Variants in EXOC4 observed in about 807,000 individuals in gnomAD.
EXOC4 encodes exocyst complex component 4.
In EXOC4, 71 loss-of-function variants were observed where a neutral mutation model predicts 107.2. The ratio of observed to expected loss-of-function variants is 0.66; its 90% confidence interval spans 0.55 to 0.81. The LOEUF (loss-of-function observed/expected upper bound fraction) is 0.81, where lower values mean the gene tolerates loss of function less well. Ranked by LOEUF, EXOC4 falls within the 30% of genes least tolerant of loss-of-function variation. The pLI, the probability that EXOC4 is intolerant of heterozygous loss-of-function variation, is 0.00. For missense variants in EXOC4, 1,108 were observed against 1,189.6 expected, an observed-to-expected ratio of 0.93 and a Z score of 1.01; for synonymous variants, 456 against 441.2, an observed-to-expected ratio of 1.03 and a Z score of -0.42.
At chr7:134,025,465 A>T (rs1795119481) in intron 17 of EXOC4, among the ~76,000 whole-genome samples, 2 of 152,216 alleles carry the variant, frequency 1.3e-5, no homozygotes, top group African/African-American at 2.4e-5. Flanking sequence ...CCATTATATG[A>T]GTTCTCTTAG....
chr7:133,256,104 CCCGAGTAG>C (rs991709775), intron 1 of EXOC4, among the ~76,000 whole-genome samples: 5 of 151,976 alleles, frequency 3.3e-5, no homozygotes, highest in Non-Finnish European at 7.4e-5. Flanking sequence ...GCCTCAACCT[CCCGAGTAG>C]CTGGGACTAC....
intron 17 of EXOC4, among the ~76,000 whole-genome samples, chr7:134,035,882 C>T (rs762118941): frequency 6.6e-6 from 1 of 152,174 alleles, no homozygotes; most frequent in South Asian, 2.1e-4. Context: ...AGCAGGGAAA[C>T]ATTTCCTAGC....
intron 9 of EXOC4, among the ~76,000 whole-genome samples, chr7:133,505,318 A>G (rs574528270): frequency 6.6e-6 from 1 of 152,196 alleles, no homozygotes; most frequent in South Asian, 2.1e-4. Context: ...CCCTCCTGTC[A>G]GTTTTGATAA....
chr7:134,097,264 A>C, the EXOC4 span, among the ~76,000 whole-genome samples: 1 of 152,056 alleles, frequency 6.6e-6, no homozygotes, highest in Non-Finnish European at 1.5e-5. Context: ...GTTAGAGATC[A>C]ACTGTCTCAG....
intron 9 of EXOC4, among the ~76,000 whole-genome samples, chr7:133,597,508 C>T (rs899235871): frequency 1.4e-5 from 2 of 139,944 alleles, no homozygotes; most frequent in Non-Finnish European, 3.0e-5. Context: ...GAGCTGAGAT[C>T]GCACCATTGC....
chr7:133,839,689 C>T (rs1055876425), intron 11 of EXOC4, among the ~76,000 whole-genome samples: 1 of 152,170 alleles, frequency 6.6e-6, no homozygotes, highest in East Asian at 1.9e-4. Flanking sequence ...GTGACAGGTG[C>T]TTTATAGGAA....
intron 9 of EXOC4, among the ~76,000 whole-genome samples, chr7:133,561,405 C>T (rs1800801510): frequency 6.6e-6 from 1 of 152,196 alleles, no homozygotes; most frequent in Admixed American, 6.5e-5. Flanking sequence ...TTATTCATTT[C>T]TTTCCCTCAG....
intron 10 of EXOC4, among the ~76,000 whole-genome samples, chr7:133,644,531 A>G (rs1314729836): frequency 6.6e-6 from 1 of 152,210 alleles, no homozygotes; most frequent in African/African-American, 2.4e-5. Flanking sequence ...GTGAAAATAC[A>G]TTGTCTTTTT....
chr7:133,470,778 A>G (rs1166553170), intron 7 of EXOC4, among the ~76,000 whole-genome samples: 4 of 152,230 alleles, frequency 2.6e-5, no homozygotes, highest in African/African-American at 9.6e-5. Context: ...GGGATCCTGC[A>G]CATTTTCTGT....
At chr7:133,922,837 A>G (rs1178234187) in intron 13 of EXOC4, among the ~76,000 whole-genome samples, 1 of 151,358 alleles carries the variant, frequency 6.6e-6, no homozygotes, top group Non-Finnish European at 1.5e-5. Context: ...CGACAGAGCG[A>G]GACTCCGTCT....
At chr7:133,377,691 A>G (rs1424771860) in intron 7 of EXOC4, among the ~76,000 whole-genome samples, 20 of 152,182 alleles carry the variant, frequency 1.3e-4, no homozygotes, top group Admixed American at 1.2e-3. Flanking sequence ...AACAAATCCC[A>G]AGCAAGATAA....
At chr7:133,415,388 A>T (rs1462268893) in intron 7 of EXOC4, among the ~76,000 whole-genome samples, 1 of 150,764 alleles carries the variant, frequency 6.6e-6, no homozygotes, top group Non-Finnish European at 1.5e-5. Flanking sequence ...CACCAGCAGC[A>T]TCAGAGGGCT....
chr7:133,440,616 A>T (rs1410412478), intron 7 of EXOC4, among the ~76,000 whole-genome samples: 2 of 152,320 alleles, frequency 1.3e-5, no homozygotes, highest in South Asian at 4.1e-4. Flanking sequence ...GACCTTGTTG[A>T]TAAAATAGGT....
At chr7:133,940,187 A>C (rs934379184) in intron 14 of EXOC4, among the ~76,000 whole-genome samples, 4 of 152,240 alleles carry the variant, frequency 2.6e-5, no homozygotes, top group African/African-American at 4.8e-5. Context: ...AAGATAGTAC[A>C]TAACCTGTGT....
At chr7:133,964,193 C>G (rs1801010166) in intron 14 of EXOC4, among the ~76,000 whole-genome samples, 1 of 152,068 alleles carries the variant, frequency 6.6e-6, no homozygotes, top group African/African-American at 2.4e-5. Context: ...GAAAAATCAG[C>G]AAAAGAACCA....
chr7:133,664,032 C>T (rs2151049774), intron 10 of EXOC4, among the ~76,000 whole-genome samples: 1 of 152,254 alleles, frequency 6.6e-6, no homozygotes, highest in African/African-American at 2.4e-5. Context: ...CTCAGCTATT[C>T]CTTGAACCTT....
At chr7:133,897,711 T>A (rs886363318) in intron 12 of EXOC4, among the ~76,000 whole-genome samples, 1 of 148,064 alleles carries the variant, frequency 6.8e-6, no homozygotes, top group Non-Finnish European at 1.5e-5. Context: ...GATGCTTTTT[T>A]AAAATTTTTA....
chr7:133,742,458 A>G (rs1183159527), intron 10 of EXOC4, among the ~76,000 whole-genome samples: 1 of 152,240 alleles, frequency 6.6e-6, no homozygotes, highest in Admixed American at 6.5e-5. Flanking sequence ...GTTTGCTTAA[A>G]GTGAACTACA....
chr7:133,682,874 C>T (rs1002287484), intron 10 of EXOC4, among the ~76,000 whole-genome samples: 2 of 152,182 alleles, frequency 1.3e-5, no homozygotes, highest in Non-Finnish European at 2.9e-5. Context: ...AGTACCGATA[C>T]GTGCTTTTGA....
Sources: gnomAD v4.1 joint callset for allele counts (sites outside exome capture counted in the v4.1 genomes callset) on GRCh38, gnomAD v4.1.1 for gene constraint, MANE v1.5 for transcripts, NCBI Gene and HGNC (gene_info 2026-07-23, HGNC 2026-07-21) for gene names.